Variants in DYNC1H1 observed in about 807,000 individuals in gnomAD.
The protein encoded by DYNC1H1 is cytoplasmic dynein 1 heavy chain 1.
DYNC1H1 carries 51 observed loss-of-function variants against 527.1 expected under a neutral mutation model. The ratio of observed to expected loss-of-function variants is 0.10; its 90% confidence interval spans 0.08 to 0.12. The LOEUF is 0.12. DYNC1H1 is among the 10% of genes least tolerant of loss of function. The probability of loss-of-function intolerance (pLI) is 1.00; values close to 1 mark genes in which losing one functional copy is unlikely to be tolerated. For missense variants in DYNC1H1, 2,771 were observed against 5,971.8 expected (o/e 0.46, Z 17.66); for synonymous variants, 2,189 against 2,278.8 (o/e 0.96, Z 1.12).
chr14:102,000,767 T>G (rs2048121847), intron 18 of DYNC1H1, 187 bp from the exon 19 acceptor site: 1 of 588,038 alleles, frequency 1.7e-6, no homozygotes, highest in Non-Finnish European at 3.1e-6. Context: ...AGAGACAGGG[T>G]TTCTCCATAT....
Position 101,997,697 on chromosome 14 carries a change from T to C in DYNC1H1, c.3804+423T>C, listed in dbSNP as rs894944936. ...TCTGTTGTCTTCGTCATTGTAGCCA[T>C]TTAAACCTTCCACCACCCAGAAACT... is the stretch of plus-strand genomic sequence containing the variant. On this transcript the variant is annotated intron_variant, in intron 16 of 77. Coordinates refer to ENST00000360184, the MANE Select transcript of DYNC1H1 (RefSeq NM_001376.5). The surrounding 1 kb of genome is among the most constrained non-coding windows in gnomAD (Gnocchi z 4.8). 3.3e-5 allele frequency among the ~76,000 whole-genome samples: 5 copies of C among 152,170 alleles called. No individual in the cohort carries two copies. Among genetic ancestry groups the C allele is most frequent in the African/African-American group, 1.2e-4 (5 of 41,428 alleles).
intron 56 of DYNC1H1, chr14:102,035,986 T>G (rs1353880827): frequency 1.7e-5 from 3 of 175,772 alleles, no homozygotes; most frequent in African/African-American, 7.2e-5. Flanking sequence ...ATTAGCTTAT[T>G]TGTGTCCTTT....
intron 43 of DYNC1H1, among the ~76,000 whole-genome samples, chr14:102,024,743 A>G (rs1243581792): frequency 3.9e-5 from 5 of 129,622 alleles, no homozygotes; most frequent in African/African-American, 1.5e-4. Context: ...CGCCCAGGCT[A>G]GAGTGCAGTG....
At position 101,983,412 on chromosome 14, in the gene DYNC1H1, A is replaced by G. The variant is rs544603368; in HGVS notation, c.1264A>G (p.Thr422Ala). The change falls in exon 7 of 78, where the codon ACT becomes GCT. Residue 422 changes from threonine to alanine, a missense_variant. By Grantham distance (58) the Thr-to-Ala change is moderately conservative. Coordinates refer to ENST00000360184, the MANE Select transcript of DYNC1H1 (RefSeq NM_001376.5). This position sits in a 1 kb window ranked among gnomAD's most constrained non-coding sequence, Gnocchi z 5.3. The part of the protein sequence containing the change: ...VMVACFEVFQ[T>A]WDDEYEKLQV... Reference sequence around the variant, plus strand: ...GGTAGCATGCTTTGAAGTTTTTCAGACTTGGGATGATGAGTATGAGAAACT... The same window carrying G: ...GGTAGCATGCTTTGAAGTTTTTCAGGCTTGGGATGATGAGTATGAGAAACT... 1 of 1,614,170 alleles carries G rather than the reference A, an allele frequency of 6.2e-7. No homozygotes were observed. The highest frequency in any genetic ancestry group is 1.3e-5 in the African/African-American group (1 of 75,038).
intron 41 of DYNC1H1, among the ~76,000 whole-genome samples, chr14:102,019,084 C>T (rs941312452): frequency 3.3e-5 from 5 of 152,322 alleles, no homozygotes; most frequent in South Asian, 2.1e-4. Context: ...CATTTCCATG[C>T]TTAATCATTA....
At position 102,017,612 on chromosome 14, in the gene DYNC1H1, C is replaced by T. The variant is rs1247283008; in HGVS notation, c.8177+108C>T. The stretch of plus-strand genomic sequence containing the variant: ...TTTGATAATAAAGACAACAATACTG[C>T]TTATTGTGGATTCCTCTTGGGTTAC... On this transcript the variant is annotated intron_variant, in intron 40 of 77. Coordinates refer to ENST00000360184, the MANE Select transcript of DYNC1H1 (RefSeq NM_001376.5). The surrounding 1 kb of genome is among the most constrained non-coding windows in gnomAD (Gnocchi z 4.6). 37 of 1,552,568 alleles carry T rather than the reference C, an allele frequency of 2.4e-5. No homozygotes were observed. The highest frequency in any genetic ancestry group is 2.8e-5 in the Non-Finnish European group (32 of 1,127,810).
Position 102,015,034 on chromosome 14 carries a change from G to A in DYNC1H1, c.7015-71G>A. ...AGTCACCCTTTCAGTGTATATATAGGTAAAAGAATCTTAATGTCCAGGTTT... is the reference window on the plus strand; with the variant it reads ...AGTCACCCTTTCAGTGTATATATAGATAAAAGAATCTTAATGTCCAGGTTT... On this transcript the variant is annotated intron_variant, in intron 34 of 77. Coordinates refer to ENST00000360184, the MANE Select transcript of DYNC1H1 (RefSeq NM_001376.5). The surrounding 1 kb of genome is among the most constrained non-coding windows in gnomAD (Gnocchi z 6.9). The A allele has an allele frequency of 6.4e-7, 1 of 1,566,710 alleles. No individual in the cohort carries two copies.
Position 102,005,068 on chromosome 14 carries a change from G to A in DYNC1H1, c.5265G>A (p.Gln1755=). 1 of 1,614,212 alleles carries A rather than the reference G, an allele frequency of 6.2e-7. No individual in the cohort carries two copies. Among genetic ancestry groups the A allele is most frequent in the South Asian group, 1.1e-5 (1 of 91,084 alleles). Reference sequence around the variant, plus strand: ...CCCAGCTTGTGGTTTTGTCAGCCCAGATAGCCTGGTCTGAGAACGTGGAGA... The same window carrying A: ...CCCAGCTTGTGGTTTTGTCAGCCCAAATAGCCTGGTCTGAGAACGTGGAGA... ...YQAQLVVLSA[Q]IAWSENVETA... Residue 1755 remains glutamine (Q), a synonymous_variant, in exon 26 of 78, where the codon CAG becomes CAA. Transcript: ENST00000360184. The surrounding 1 kb of genome is among the most constrained non-coding windows in gnomAD (Gnocchi z 4.0).
chr14:102,041,519 G>A lies in DYNC1H1; in HGVS notation c.11942-55G>A. 1 of 1,611,674 alleles carries A rather than the reference G, an allele frequency of 6.2e-7. No individual in the cohort carries two copies. Among genetic ancestry groups the A allele is most frequent in the Non-Finnish European group, 8.5e-7 (1 of 1,179,516 alleles). On this transcript the variant is annotated intron_variant, in intron 64 of 77. Transcript: ENST00000360184. This position sits in a 1 kb window ranked among gnomAD's most constrained non-coding sequence, Gnocchi z 4.5. ...GGGAAGAACAGTCCAGGCAGGGGAG[G>A]GCGTCTCTGAGTCCATGCTTCCACC... is the stretch of plus-strand genomic sequence containing the variant.
chr14:101,975,725 T>C lies in DYNC1H1; in HGVS notation c.270T>C (p.Asp90=), dbSNP rs760330950. 3.7e-5 allele frequency: 60 copies of C among 1,613,304 alleles called. No individual in the cohort carries two copies. The South Asian group carries it at 6.2e-4, about 17-fold the overall frequency. Residue 90 remains aspartate, a synonymous_variant, in exon 2 of 78, where the codon GAT becomes GAC. Transcript: ENST00000360184. The part of the protein sequence containing the change: ...ERSTLKEDVG[D]EGEEEKEFIS... ...TATGATTTGTAGAGGACGTCGGTGA[T>C]GAAGGAGAAGAAGAAAAAGAATTCA...
intron 42 of DYNC1H1, among the ~76,000 whole-genome samples, chr14:102,022,015 A>G (rs1486038958): frequency 6.6e-6 from 1 of 152,056 alleles, no homozygotes; most frequent in African/African-American, 2.4e-5. Context: ...ATATGCCTGT[A>G]ATCCCAGCTA....
rs191827155 is a variant in DYNC1H1, at chr14:102,041,541, C to T, written c.11942-33C>T. ...GAGGGCGTCTCTGAGTCCATGCTTC[C>T]ACCCAGCACCCACCCCTCTGTACCT... On this transcript the variant is annotated intron_variant, in intron 64 of 77. Transcript: ENST00000360184. This position sits in a 1 kb window ranked among gnomAD's most constrained non-coding sequence, Gnocchi z 4.5. The T allele has an allele frequency of 1.8e-4, 285 of 1,613,046 alleles. No individual in the cohort carries two copies. In the African/African-American group the frequency reaches 3.3e-3, roughly 19 times the overall value.
At chr14:102,008,118 AG>A in intron 28 of DYNC1H1, 59 bp from the exon 29 acceptor site, 3 of 1,607,806 alleles carry the variant, frequency 1.9e-6, no homozygotes, top group Non-Finnish European at 2.5e-6. Context: ...GGCAAGGGAG[AG>A]GGGAGACAAT....
In DYNC1H1 at chr14:102,015,340, C is replaced by G; in HGVS notation, c.7242+8C>G. On this transcript the variant is annotated splice_region_variant and intron_variant, in intron 35 of 77. Transcript: ENST00000360184. The surrounding 1 kb of genome is among the most constrained non-coding windows in gnomAD (Gnocchi z 6.9). Reference sequence around the variant, plus strand: ...GCTTCCCCCATGCTGCAGGTACGCCCAGGTGGGACCCCACATATCATGACC... The same window carrying G: ...GCTTCCCCCATGCTGCAGGTACGCCGAGGTGGGACCCCACATATCATGACC... 1 of 1,605,626 alleles carries G rather than the reference C, an allele frequency of 6.2e-7. No homozygotes were observed. Among genetic ancestry groups the G allele is most frequent in the Non-Finnish European group, 8.5e-7 (1 of 1,175,540 alleles).
In DYNC1H1 at chr14:102,036,260, G is replaced by T; in HGVS notation, c.10755-229G>T. 1.9e-6 allele frequency: 1 copy of T among 520,626 alleles called. No homozygotes were observed. The highest frequency in any genetic ancestry group is 2.0e-5 in the South Asian group (1 of 51,008). 32.3% of individuals were successfully genotyped at this position (520,626 alleles called of 1,614,324 possible). On this transcript the variant is annotated intron_variant, in intron 56 of 77. Coordinates refer to ENST00000360184, the MANE Select transcript of DYNC1H1 (RefSeq NM_001376.5). This position sits in a 1 kb window ranked among gnomAD's most constrained non-coding sequence, Gnocchi z 5.6. ...GATTTTTAACTATGGCCCTCTTGGT[G>T]TATGACTCAAGCTACCTCCTCATGC...
At chr14:102,022,960 T>G in intron 43 of DYNC1H1, 80 bp downstream of exon 43, 1 of 1,604,252 alleles carries the variant, frequency 6.2e-7, no homozygotes, top group Non-Finnish European at 8.5e-7. Flanking sequence ...ACGAATTATC[T>G]TCTACTCAAA....
chr14:102,040,851 C>T (rs1361150840), intron 64 of DYNC1H1, 178 bp downstream of exon 64: 29 of 731,158 alleles, frequency 4.0e-5, no homozygotes, highest in Non-Finnish European at 5.8e-5. Flanking sequence ...CCCATCTACT[C>T]GGGAGGCTAA....
rs753103486 is a variant in DYNC1H1, at chr14:102,039,212, C to T, written c.11418C>T (p.Thr3806=). Residue 3806 remains threonine, a synonymous_variant, in exon 60 of 78, where the codon ACC becomes ACT. Transcript: ENST00000360184. The surrounding 1 kb of genome is among the most constrained non-coding windows in gnomAD (Gnocchi z 7.0). The part of the protein sequence containing the change: ...TVSQQYLPLS[T]ACSSIYFTME... ...CCCAGCAGTACCTCCCGCTCTCCAC[C>T]GCCTGCAGCAGCATCTACTTCACCA... The T allele has an allele frequency of 5.0e-6, 8 of 1,614,040 alleles. No homozygotes were observed. The highest frequency in any genetic ancestry group is 1.1e-5 in the South Asian group (1 of 91,080).
In DYNC1H1 at chr14:102,004,903, A is replaced by G; in HGVS notation, c.5191A>G (p.Thr1731Ala). The G allele has an allele frequency of 6.2e-7, 1 of 1,614,226 alleles. No individual in the cohort carries two copies. The highest frequency in any genetic ancestry group is 8.5e-7 in the Non-Finnish European group (1 of 1,180,052). Residue 1731 changes from threonine (T) to alanine (A), a missense_variant, in exon 25 of 78, where the codon ACT (threonine) becomes GCT (alanine). Coordinates refer to ENST00000360184, the MANE Select transcript of DYNC1H1 (RefSeq NM_001376.5). ...VTEVEIFGKA[T>A]SIDPNTYITW... The stretch of plus-strand genomic sequence containing the variant: ...GGAAGTTGAGATTTTTGGTAAAGCA[A>G]CTTCAATTGACCCAAATACCTACAT...
Sources: allele counts gnomAD v4.1 joint callset (sites outside exome capture counted in the v4.1 genomes callset), GRCh38; gene constraint gnomAD v4.1.1; non-coding constraint Gnocchi (gnomAD v3.1); transcripts MANE v1.5; gene names NCBI Gene and HGNC (gene_info 2026-07-23, HGNC 2026-07-21).